RBPJ: variants seen among roughly 807,000 people sequenced by gnomAD.
The protein encoded by RBPJ is recombining binding protein suppressor of hairless.
A neutral mutation model predicts 67.8 loss-of-function variants in RBPJ; 9 were observed. That is an observed-to-expected ratio of 0.13 (90% CI 0.08 to 0.23). The LOEUF (loss-of-function observed/expected upper bound fraction) is 0.23. RBPJ is among the 10% of genes least tolerant of loss of function. The pLI is 1.00. For missense variants in RBPJ, 305 were observed against 595.6 expected, an observed-to-expected ratio of 0.51 and a Z score of 5.08; for synonymous variants, 198 against 203.3, an observed-to-expected ratio of 0.97 and a Z score of 0.22.
At chr4:26,246,594 T>C (rs1038719682) in intron 1 of RBPJ, among the ~76,000 whole-genome samples, 14 of 152,200 alleles carry the variant, frequency 9.2e-5, no homozygotes, top group South Asian at 2.1e-4. Flanking sequence ...ACCTGTCAGA[T>C]TGTAAGCTCA....
At chr4:26,427,982 T>G (rs563521810) in intron 7 of RBPJ, among the ~76,000 whole-genome samples, 1 of 152,330 alleles carries the variant, frequency 6.6e-6, no homozygotes. Flanking sequence ...ATTCATGTGT[T>G]TTGTAGACTA....
At chr4:26,377,155 TACTC>T (rs544897567) in intron 1 of RBPJ, among the ~76,000 whole-genome samples, 36 of 152,352 alleles carry the variant, frequency 2.4e-4, no homozygotes, top group African/African-American at 8.7e-4. Context: ...GTAGTGGGCT[TACTC>T]AGTGCTGGAC....
At chr4:26,222,451 C>T (rs1175191127) in intron 1 of RBPJ, among the ~76,000 whole-genome samples, 1 of 144,286 alleles carries the variant, frequency 6.9e-6, no homozygotes, top group Non-Finnish European at 1.5e-5. Context: ...GCCAAGATGG[C>T]GCCACTGCAC....
intron 1 of RBPJ, among the ~76,000 whole-genome samples, chr4:26,229,960 G>C (rs116626934): frequency 0.01 from 1,588 of 152,190 alleles, 32 homozygotes; most frequent in African/African-American, 0.036. Flanking sequence ...AGGCCAAGGC[G>C]GGAAAACGGC....
chr4:26,350,759 T>C (rs1318429814), intron 1 of RBPJ, among the ~76,000 whole-genome samples: 1 of 152,190 alleles, frequency 6.6e-6, no homozygotes, highest in Non-Finnish European at 1.5e-5. Context: ...TCAAAGATGA[T>C]TCCCTGGTTT....
In RBPJ at chr4:26,310,665, C is replaced by CT. The variant is rs11289709; in HGVS notation, c.-166-51761dup. ...TTATGACTGTATTTGCCTGTTTTAA[C>CT]TTTTTTTTTTTTTTTTTTTTGAGAC... On this transcript the variant is annotated intron_variant, in intron 1 of 4. Transcript: ENST00000512351. Among the ~76,000 whole-genome samples, 227 of 107,426 alleles carry CT rather than the reference C, an allele frequency of 2.1e-3. 1 individual carries two copies. The highest frequency in any genetic ancestry group is 4.5e-3 in the Middle Eastern group (1 of 222). 70.5% of individuals were successfully genotyped at this position (107,426 alleles called of 152,430 possible).
At chr4:26,179,714 A>C (rs1342674972) in intron 1 of RBPJ, among the ~76,000 whole-genome samples, 1 of 152,236 alleles carries the variant, frequency 6.6e-6, no homozygotes, top group Non-Finnish European at 1.5e-5. Flanking sequence ...ACACACTGTC[A>C]GTGGGAGTGT....
At chr4:26,280,689 C>G (rs1361442663) in intron 1 of RBPJ, among the ~76,000 whole-genome samples, 1 of 152,102 alleles carries the variant, frequency 6.6e-6, no homozygotes, top group African/African-American at 2.4e-5. Flanking sequence ...GAATTGTACA[C>G]TGAAGCATGG....
chr4:26,320,933 G>T, upstream of RBPJ: 1 of 1,609,702 alleles, frequency 6.2e-7, no homozygotes, highest in African/African-American at 1.3e-5. Flanking sequence ...TGGAATCGAG[G>T]AGTGAGGAAA....
intron 1 of RBPJ, among the ~76,000 whole-genome samples, chr4:26,371,079 CAAA>C (rs557453784): frequency 1.2e-5 from 1 of 81,974 alleles, no homozygotes; most frequent in African/African-American, 4.4e-5. Flanking sequence ...GACTCCATCT[CAAA>C]AAAAAAAAAA....
intron 7 of RBPJ, chr4:26,428,499 A>G: frequency 2.3e-6 from 1 of 430,054 alleles, no homozygotes; most frequent in East Asian, 3.9e-5. Context: ...ATGTTCAGGG[A>G]AGAGGGTAAC....
intron 3 of RBPJ, among the ~76,000 whole-genome samples, chr4:26,411,951 CAA>C (rs759600636): frequency 7.4e-5 from 9 of 120,816 alleles, no homozygotes; most frequent in Non-Finnish European, 9.0e-5. Context: ...ACTAAAAATA[CAA>C]AAAAAAAAAA....
At chr4:26,182,981 C>T (rs1717068480) in intron 1 of RBPJ, among the ~76,000 whole-genome samples, 1 of 152,178 alleles carries the variant, frequency 6.6e-6, no homozygotes, top group Non-Finnish European at 1.5e-5. Context: ...CTAGGTACCT[C>T]CTGAAGGACC....
chr4:26,330,870 A>G (rs910017513), intron 1 of RBPJ, among the ~76,000 whole-genome samples: 1 of 152,234 alleles, frequency 6.6e-6, no homozygotes, highest in African/African-American at 2.4e-5. Flanking sequence ...GAGAAGTAAC[A>G]TACCATCTAA....
intron 1 of RBPJ, among the ~76,000 whole-genome samples, chr4:26,214,769 G>GAGAA (rs796401731): frequency 0.013 from 225 of 17,308 alleles, 4 homozygotes; most frequent in African/African-American, 0.029. Context: ...AGAGAAAAAA[G>GAGAA]AGAAAGAAAG....
chr4:26,403,478 A>G (rs1733063324), intron 2 of RBPJ, among the ~76,000 whole-genome samples: 1 of 152,026 alleles, frequency 6.6e-6, no homozygotes, highest in Non-Finnish European at 1.5e-5. Context: ...TTATTTCATC[A>G]CCCAGGTATT....
chr4:26,208,766 G>T (rs1185818414), intron 1 of RBPJ, among the ~76,000 whole-genome samples: 1 of 152,144 alleles, frequency 6.6e-6, no homozygotes, highest in East Asian at 1.9e-4. Flanking sequence ...AATAGACATT[G>T]CTCTGTACTC....
the RBPJ span, among the ~76,000 whole-genome samples, chr4:26,132,141 A>C: frequency 6.6e-6 from 1 of 152,206 alleles, no homozygotes; most frequent in Non-Finnish European, 1.5e-5. Flanking sequence ...TGCCAAAAAA[A>C]AAAAGTTTGA....
intron 1 of RBPJ, among the ~76,000 whole-genome samples, chr4:26,255,287 C>T (rs1334068281): frequency 7.4e-6 from 1 of 134,696 alleles, no homozygotes; most frequent in Non-Finnish European, 1.5e-5. Context: ...GCCTGTAGTC[C>T]CAGCTACTCG....
Sources: allele counts gnomAD v4.1 joint callset (sites outside exome capture counted in the v4.1 genomes callset), GRCh38; gene constraint gnomAD v4.1.1; transcripts MANE v1.5; gene names NCBI Gene and HGNC (gene_info 2026-07-23, HGNC 2026-07-21).